The following DENND1B variants were observed in gnomAD, a reference collection of about 807,000 sequenced individuals.
DENND1B encodes DENN domain containing 1B.
A neutral mutation model predicts 90.1 loss-of-function variants in DENND1B; 59 were observed. The observed-to-expected ratio is 0.65, with a 90% CI of 0.53 to 0.81. DENND1B has a LOEUF of 0.81. Ranked by LOEUF, DENND1B falls within the 40% of genes least tolerant of loss-of-function variation. DENND1B has a pLI of 0.00. For synonymous variants in DENND1B, 337 were observed against 324.6 expected, an observed-to-expected ratio of 1.04 and a Z score of -0.41; for missense variants, 862 against 912.6, an observed-to-expected ratio of 0.94 and a Z score of 0.71.
intron 6 of DENND1B, among the ~76,000 whole-genome samples, chr1:197,654,774 A>G (rs958093241): frequency 6.6e-6 from 1 of 151,900 alleles, no homozygotes; most frequent in African/African-American, 2.4e-5. Context: ...TGCGACCACC[A>G]CCACTTAAGG....
intron 15 of DENND1B, among the ~76,000 whole-genome samples, chr1:197,573,036 C>A (rs1190045440): frequency 4.0e-5 from 6 of 151,824 alleles, no homozygotes; most frequent in Admixed American, 1.3e-4. Flanking sequence ...CTCTTTTTTT[C>A]TTTATTAGTC....
intron 10 of DENND1B, among the ~76,000 whole-genome samples, chr1:197,622,740 T>C (rs1256575373): frequency 1.3e-5 from 2 of 151,510 alleles, no homozygotes; most frequent in African/African-American, 2.4e-5. Context: ...TCAACTTATG[T>C]CTATGAGTAC....
chr1:197,708,020 C>T (rs560302226), intron 3 of DENND1B, among the ~76,000 whole-genome samples: 1 of 151,266 alleles, frequency 6.6e-6, no homozygotes, highest in East Asian at 2.0e-4. Context: ...CTTTTCAGAC[C>T]GGCTTAAGAA....
intron 14 of DENND1B, 103 bp downstream of exon 14, chr1:197,595,105 A>AT: frequency 2.9e-6 from 4 of 1,362,774 alleles, no homozygotes; most frequent in Middle Eastern, 1.9e-4. Flanking sequence ...TTTCCATGAT[A>AT]TTTTTTGAAG....
chr1:197,630,336 C>T (rs941354427), intron 10 of DENND1B, among the ~76,000 whole-genome samples: 14 of 152,028 alleles, frequency 9.2e-5, no homozygotes, highest in Non-Finnish European at 1.8e-4. Flanking sequence ...CTGGTAAAGG[C>T]TTGCTCTCTT....
chr1:197,772,989 T>C lies in DENND1B; in HGVS notation c.18-57A>G, dbSNP rs564007427. The C allele has an allele frequency of 1.5e-4, 209 of 1,360,788 alleles. 1 individual carries two copies. The African/African-American group carries it at 2.8e-3, about 18-fold the overall frequency. 84.3% of individuals were successfully genotyped at this position (1,360,788 alleles called of 1,614,324 possible). A position where few individuals can be genotyped will look rare whatever the true frequency, so the allele number is the denominator to read the frequency against. On this transcript the variant is annotated intron_variant, in intron 1 of 22. Transcript: ENST00000620048. Reference sequence around the variant, plus strand: ...TGACAAATAAACATCTCCATGAAACTTGTATTTTCTTAATTCTAAAACTAA... The same window carrying C: ...TGACAAATAAACATCTCCATGAAACCTGTATTTTCTTAATTCTAAAACTAA...
At chr1:197,763,705 A>G (rs1255195168) in intron 2 of DENND1B, among the ~76,000 whole-genome samples, 1 of 152,132 alleles carries the variant, frequency 6.6e-6, no homozygotes, top group Non-Finnish European at 1.5e-5. Context: ...CTGACAACCA[A>G]TTGTCTCTCC....
At chr1:197,680,886 T>G (rs1572301598) in intron 3 of DENND1B, among the ~76,000 whole-genome samples, 1 of 152,242 alleles carries the variant, frequency 6.6e-6, no homozygotes, top group African/African-American at 2.4e-5. Context: ...AGGATTTATT[T>G]GAGGAATTTA....
At chr1:197,519,232 A>T (rs1668604529) in intron 20 of DENND1B, among the ~76,000 whole-genome samples, 2 of 151,948 alleles carry the variant, frequency 1.3e-5, no homozygotes, top group South Asian at 4.1e-4. Context: ...ATGAGTCATA[A>T]GTTTATTTTT....
intron 2 of DENND1B, among the ~76,000 whole-genome samples, chr1:197,716,928 C>G (rs1257839559): frequency 6.6e-6 from 1 of 151,912 alleles, no homozygotes; most frequent in Non-Finnish European, 1.5e-5. Flanking sequence ...TGCTGCCTGA[C>G]TTTTCCTCAC....
At chr1:197,657,643 G>T (rs1175176122) in intron 6 of DENND1B, among the ~76,000 whole-genome samples, 1 of 152,108 alleles carries the variant, frequency 6.6e-6, no homozygotes, top group Non-Finnish European at 1.5e-5. Flanking sequence ...TGATGGGAAT[G>T]AAAAATGTGG....
chr1:197,752,103 T>C (rs768118532), intron 2 of DENND1B, among the ~76,000 whole-genome samples: 3 of 151,714 alleles, frequency 2.0e-5, no homozygotes, highest in Non-Finnish European at 2.9e-5. Context: ...AAATACTCTA[T>C]TGGCTCTCTG....
intron 2 of DENND1B, among the ~76,000 whole-genome samples, chr1:197,721,799 A>T (rs949676565): frequency 7.9e-5 from 12 of 152,120 alleles, no homozygotes; most frequent in Admixed American, 3.3e-4. Context: ...AATACCACCA[A>T]AATGTTTTTA....
At chr1:197,534,568 CT>C (rs1669741346) in intron 20 of DENND1B, among the ~76,000 whole-genome samples, 1 of 152,134 alleles carries the variant, frequency 6.6e-6, no homozygotes, top group African/African-American at 2.4e-5. Context: ...TGTAGCTGTG[CT>C]TTTCTCTTCT....
At chr1:197,767,444 A>C (rs953466866) in intron 2 of DENND1B, among the ~76,000 whole-genome samples, 8 of 152,138 alleles carry the variant, frequency 5.3e-5, no homozygotes, top group African/African-American at 1.9e-4. Flanking sequence ...TAATTTAACA[A>C]AAAAGTGAAA....
At chr1:197,600,597 A>C (rs1558291206) in intron 13 of DENND1B, among the ~76,000 whole-genome samples, 1 of 151,848 alleles carries the variant, frequency 6.6e-6, no homozygotes, top group Non-Finnish European at 1.5e-5. Context: ...ACAATAGAGA[A>C]ATACATTTCT....
rs1571664518 is a variant in DENND1B at position 197,505,758 on chromosome 1, A to G, written c.*4702T>C. 1 of 151,830 alleles carries G rather than the reference A, an allele frequency of 6.6e-6. No homozygotes were observed. Among genetic ancestry groups the G allele is most frequent in the South Asian group, 2.1e-4 (1 of 4,832 alleles). The allele number at this position is 151,830 out of a possible 1,614,324, so 9.4% of individuals were successfully genotyped here. On this transcript the variant is annotated 3_prime_UTR_variant, in exon 23 of 23. Coordinates refer to ENST00000620048, the MANE Select transcript of DENND1B (RefSeq NM_001195215.2). ...AAAGTATTGGCAATGCCCTTTATAA[A>G]TCTTATCAAAGATTCATCACAAAGG...
chr1:197,760,723 G>A (rs1654937657), intron 2 of DENND1B, among the ~76,000 whole-genome samples: 1 of 151,724 alleles, frequency 6.6e-6, no homozygotes, highest in Non-Finnish European at 1.5e-5. Context: ...TTTAGTAATG[G>A]GCTTTATAAT....
At chr1:197,571,809 A>C (rs560339283) in intron 15 of DENND1B, among the ~76,000 whole-genome samples, 21 of 152,362 alleles carry the variant, frequency 1.4e-4, no homozygotes, top group African/African-American at 4.6e-4. Flanking sequence ...CAGAAAAAAG[A>C]GTACAGACTT....
Sources: allele counts gnomAD v4.1 joint callset (sites outside exome capture counted in the v4.1 genomes callset), GRCh38; gene constraint gnomAD v4.1.1; transcripts MANE v1.5; gene names NCBI Gene and HGNC (gene_info 2026-07-23, HGNC 2026-07-21).